The following ABR variants were observed in gnomAD, a reference collection of about 807,000 sequenced individuals.
ABR encodes ABR activator of RhoGEF and GTPase.
In ABR, 35 loss-of-function variants were observed where a neutral mutation model predicts 107.2. The ratio of observed to expected loss-of-function variants is 0.33; its 90% confidence interval spans 0.25 to 0.43. The LOEUF (loss-of-function observed/expected upper bound fraction) is 0.43. Among genes scored for constraint, ABR ranks in the 20% least tolerant of loss-of-function variants. The pLI, the probability that ABR is intolerant of heterozygous loss-of-function variation, is 1.00. For missense variants in ABR, 815 were observed against 1,115.2 expected, an observed-to-expected ratio of 0.73 and a Z score of 3.83; for synonymous variants, 498 against 462.0, an observed-to-expected ratio of 1.08 and a Z score of -1.00.
intron 2 of ABR, among the ~76,000 whole-genome samples, chr17:1,108,488 T>G (rs1486544229): frequency 6.6e-6 from 1 of 152,260 alleles, no homozygotes; most frequent in Non-Finnish European, 1.5e-5. Context: ...CCCAGTGCTT[T>G]TCCTTCAAGG....
chr17:1,073,044 G>A (rs2035373000), intron 7 of ABR, among the ~76,000 whole-genome samples: 1 of 152,032 alleles, frequency 6.6e-6, no homozygotes, highest in Non-Finnish European at 1.5e-5. Flanking sequence ...GCTGGGCGTG[G>A]TGGCGGGCGC....
Position 1,050,244 on chromosome 17 carries a change from G to T in ABR, c.1660-63C>A. 6.4e-7 allele frequency: 1 copy of T among 1,563,852 alleles called. No homozygotes were observed. Among genetic ancestry groups the T allele is most frequent in the Non-Finnish European group, 8.6e-7 (1 of 1,159,638 alleles). On this transcript the variant is annotated intron_variant, in intron 15 of 22. Coordinates refer to ENST00000302538, the MANE Select transcript of ABR (RefSeq NM_021962.5). The surrounding 1 kb of genome is among the most constrained non-coding windows in gnomAD (Gnocchi z 4.6). ...AGCTGGGAGGCCTGGCTTTCCGGCA[G>T]GTGCGTGCCTCAGCTTTGCAAGGAG...
chr17:1,111,664 C>T (rs62067940), intron 2 of ABR, among the ~76,000 whole-genome samples: 7 of 152,240 alleles, frequency 4.6e-5, no homozygotes, highest in Non-Finnish European at 7.3e-5. Context: ...GCAGGCACTG[C>T]CCCGACCACT....
intron 1 of ABR, among the ~76,000 whole-genome samples, chr17:1,166,533 C>T (rs185186606): frequency 6.4e-4 from 97 of 152,286 alleles, no homozygotes; most frequent in African/African-American, 2.2e-3. Context: ...GAGGCTGCGG[C>T]TGGAGATGGG....
chr17:1,217,965 C>A (rs919131765), intron 1 of ABR, among the ~76,000 whole-genome samples: 1 of 151,618 alleles, frequency 6.6e-6, no homozygotes, highest in Non-Finnish European at 1.5e-5. Flanking sequence ...AAAGTGCTGG[C>A]ATTACAGGAA....
upstream of ABR, among the ~76,000 whole-genome samples, chr17:1,189,521 A>C (rs1226787789): frequency 6.6e-6 from 1 of 152,006 alleles, no homozygotes; most frequent in African/African-American, 2.4e-5. Flanking sequence ...TTGGTGGCCT[A>C]AGGAACCTGT....
At chr17:1,014,839 C>A (rs1186774575) in intron 16 of ABR, among the ~76,000 whole-genome samples, 1 of 152,036 alleles carries the variant, frequency 6.6e-6, no homozygotes, top group East Asian at 1.9e-4. Flanking sequence ...GAGTGAGACT[C>A]CGTCTCAAAA....
At chr17:1,173,867 G>T (rs77652156) in intron 1 of ABR, among the ~76,000 whole-genome samples, 1 of 152,184 alleles carries the variant, frequency 6.6e-6, no homozygotes, top group South Asian at 2.1e-4. Context: ...CCAGTCCCTC[G>T]AGGCTTTCCC....
chr17:1,161,463 C>A (rs1435649805), intron 1 of ABR, among the ~76,000 whole-genome samples: 1 of 151,808 alleles, frequency 6.6e-6, no homozygotes, highest in East Asian at 1.9e-4. Flanking sequence ...CCGGACTGGT[C>A]TTGAACTCTT....
At chr17:1,175,895 T>A (rs1389880091) in intron 1 of ABR, among the ~76,000 whole-genome samples, 6 of 151,706 alleles carry the variant, frequency 4.0e-5, no homozygotes, top group African/African-American at 1.5e-4. Context: ...ATCGAGACCA[T>A]CCTGGCCAAC....
chr17:1,130,916 T>A (rs1031240843), intron 1 of ABR, among the ~76,000 whole-genome samples: 11 of 152,338 alleles, frequency 7.2e-5, no homozygotes, highest in African/African-American at 2.4e-4. Context: ...GCTGGGACTT[T>A]GATTTCAGAC....
At chr17:1,020,832 C>T (rs971044165) in intron 16 of ABR, among the ~76,000 whole-genome samples, 6 of 152,152 alleles carry the variant, frequency 3.9e-5, no homozygotes, top group African/African-American at 1.4e-4. Context: ...CCTCTCACCC[C>T]CTGGGGCAGG....
Position 1,105,165 on chromosome 17 carries a change from C to T in ABR, c.247-4430G>A, listed in dbSNP as rs116996125. 8.0e-3 allele frequency among the ~76,000 whole-genome samples: 1,210 copies of T among 152,030 alleles called. 12 individuals carry two copies. Among genetic ancestry groups the T allele is most frequent in the Middle Eastern group, 0.041 (12 of 294 alleles). On this transcript the variant is annotated intron_variant, in intron 2 of 22. Transcript: ENST00000302538. ...TTGGGATTACAGGTGCACGCCACCA[C>T]GCCCAGATACTTTTTGTGTTTTTAG...
At chr17:1,130,845 A>G (rs1320539873) in intron 1 of ABR, among the ~76,000 whole-genome samples, 1 of 152,186 alleles carries the variant, frequency 6.6e-6, no homozygotes, top group Non-Finnish European at 1.5e-5. Flanking sequence ...GAATGCCTGG[A>G]GCCACCAGAC....
At chr17:1,126,076 C>T (rs1174957617) in intron 1 of ABR, among the ~76,000 whole-genome samples, 1 of 152,126 alleles carries the variant, frequency 6.6e-6, no homozygotes, top group East Asian at 1.9e-4. Context: ...GAAGTTGAGC[C>T]GCATTAACCC....
At position 1,078,959 on chromosome 17, in the gene ABR, G is replaced by GGAGT; in HGVS notation, c.700+370_700+371insACTC. On this transcript the variant is annotated intron_variant, in intron 6 of 22. Transcript: ENST00000302538. This position sits in a 1 kb window ranked among gnomAD's most constrained non-coding sequence, Gnocchi z 7.5. ...ACTCAGCCACCTTGCTGATGCTGCC[G>GGAGT]CACGGACTCCAGCATCGGGCAGCCG... The GGAGT allele has an allele frequency of 6.6e-7, 1 of 1,511,834 alleles. No individual in the cohort carries two copies. The highest frequency in any genetic ancestry group is 8.8e-7 in the Non-Finnish European group (1 of 1,132,668). 93.7% of individuals were successfully genotyped at this position (1,511,834 alleles called of 1,614,324 possible).
At chr17:1,223,382 T>A (rs950437031) in intron 1 of ABR, among the ~76,000 whole-genome samples, 3 of 151,888 alleles carry the variant, frequency 2.0e-5, no homozygotes, top group Admixed American at 2.0e-4. Context: ...CTACACTCTT[T>A]AATTATTCTC....
chr17:1,127,195 A>G (rs899145717), intron 1 of ABR, among the ~76,000 whole-genome samples: 1 of 152,136 alleles, frequency 6.6e-6, no homozygotes, highest in African/African-American at 2.4e-5. Flanking sequence ...TTTTTTCCCT[A>G]GACAGGGTTG....
intron 1 of ABR, among the ~76,000 whole-genome samples, chr17:1,177,547 C>T (rs898231371): frequency 6.6e-6 from 1 of 152,200 alleles, no homozygotes; most frequent in African/African-American, 2.4e-5. Context: ...AAGGTGGCCT[C>T]AGGCAATTTT....
Sources: allele counts gnomAD v4.1 joint callset (sites outside exome capture counted in the v4.1 genomes callset), GRCh38; gene constraint gnomAD v4.1.1; non-coding constraint Gnocchi (gnomAD v3.1); transcripts MANE v1.5; gene names NCBI Gene and HGNC (gene_info 2026-07-23, HGNC 2026-07-21).